The following IL23R variants were observed in gnomAD, a reference collection of about 807,000 sequenced individuals.
The protein encoded by IL23R is interleukin-23 receptor.
A neutral mutation model predicts 56.9 loss-of-function variants in IL23R; 34 were observed. The observed-to-expected ratio is 0.60, with a 90% CI of 0.45 to 0.80. IL23R has a LOEUF of 0.80. Among genes scored for constraint, IL23R ranks in the 30% least tolerant of loss-of-function variants. IL23R has a pLI of 0.00. For synonymous variants in IL23R, 230 were observed against 249.2 expected, an observed-to-expected ratio of 0.92 and a Z score of 0.73; for missense variants, 635 against 730.0, an observed-to-expected ratio of 0.87 and a Z score of 1.50.
chr1:67,206,366 A>G (rs560203346), intron 5 of IL23R, among the ~76,000 whole-genome samples: 119 of 152,058 alleles, frequency 7.8e-4, no homozygotes, highest in Admixed American at 1.4e-3. Flanking sequence ...GGTGGAGTAC[A>G]GTTGCACCAT....
At chr1:67,263,112 C>CTTTTTTTTTTTT (rs66482004), downstream of IL23R, among the ~76,000 whole-genome samples, 1 of 98,890 alleles carries the variant, frequency 1.0e-5, no homozygotes. Flanking sequence ...AATTTCTTTC[C>CTTTTTTTTTTTT]TTTTTTTTTT....
rs773141807 is a variant in IL23R at position 67,182,863 on chromosome 1, C to A, written c.395C>A (p.Thr132Asn). 1.2e-6 allele frequency: 2 copies of A among 1,613,902 alleles called. No individual in the cohort carries two copies. The highest frequency in any genetic ancestry group is 1.3e-5 in the African/African-American group (1 of 74,900). ...CCGCCAGATATTCCTGATGAAGTAA[C>A]CTGTGTCATTTATGAATATTCAGGC... ...GYPPDIPDEV[T>N]CVIYEYSGNM... Residue 132 changes from threonine to asparagine, a missense_variant, in exon 4 of 11, where the codon ACC becomes AAC. Thr to Asn is a moderately conservative substitution (Grantham distance 65). Transcript: ENST00000347310.
intron 5 of IL23R, 70 bp downstream of exon 5, chr1:67,200,967 A>G: frequency 6.7e-7 from 1 of 1,483,204 alleles, no homozygotes; most frequent in Non-Finnish European, 9.4e-7. Context: ...AATGAGGTCT[A>G]GATCTGAAAG....
At chr1:67,176,080 A>G (rs1242607515) in intron 3 of IL23R, among the ~76,000 whole-genome samples, 1 of 152,196 alleles carries the variant, frequency 6.6e-6, no homozygotes, top group Non-Finnish European at 1.5e-5. Flanking sequence ...AAATGACCAG[A>G]GATGGGGTCT....
chr1:67,254,784 C>T (rs1231840708), intron 9 of IL23R, among the ~76,000 whole-genome samples: 1 of 152,222 alleles, frequency 6.6e-6, no homozygotes, highest in Non-Finnish European at 1.5e-5. Context: ...TTGGTACAAC[C>T]TTTCTGCCCA....
At chr1:67,222,102 C>CCTTTTTTTTTTTTTTTTTTTTTT in intron 7 of IL23R, among the ~76,000 whole-genome samples, 1 of 58,890 alleles carries the variant, frequency 1.7e-5, no homozygotes, top group South Asian at 9.2e-4. Context: ...TTCTTTCTTT[C>CCTTTTTTTTTTTTTTTTTTTTTT]TTTTTTTTTT....
chr1:67,218,937 AT>A (rs1650052684), intron 6 of IL23R, among the ~76,000 whole-genome samples: 1 of 151,180 alleles, frequency 6.6e-6, no homozygotes, highest in African/African-American at 2.4e-5. Flanking sequence ...TAGAAAAAAA[AT>A]AAAATAAAAA....
chr1:67,191,754 T>C (rs1352082102), intron 4 of IL23R, among the ~76,000 whole-genome samples: 1 of 152,202 alleles, frequency 6.6e-6, no homozygotes, highest in Non-Finnish European at 1.5e-5. Flanking sequence ...CATTGCCAGA[T>C]TGAATGGCTT....
intron 3 of IL23R, among the ~76,000 whole-genome samples, chr1:67,180,355 T>A (rs1359859432): frequency 2.0e-5 from 3 of 152,160 alleles, no homozygotes; most frequent in Admixed American, 6.5e-5. Flanking sequence ...GTTGAATTGA[T>A]CCCTTTACCA....
At chr1:67,185,457 T>C (rs968680875) in intron 4 of IL23R, among the ~76,000 whole-genome samples, 1 of 152,212 alleles carries the variant, frequency 6.6e-6, no homozygotes, top group Non-Finnish European at 1.5e-5. Flanking sequence ...TTTTTGTTTT[T>C]GTTTTTGAGC....
chr1:67,206,301 C>T (rs1649051632), intron 5 of IL23R, among the ~76,000 whole-genome samples: 1 of 152,076 alleles, frequency 6.6e-6, no homozygotes, highest in Non-Finnish European at 1.5e-5. Context: ...ACATGAGCCA[C>T]CATGCCCAGC....
At chr1:67,230,195 A>G (rs1478841860) in intron 7 of IL23R, among the ~76,000 whole-genome samples, 1 of 152,220 alleles carries the variant, frequency 6.6e-6, no homozygotes, top group Non-Finnish European at 1.5e-5. Flanking sequence ...CAACCCTTCA[A>G]CATTCACAGC....
At chr1:67,252,658 C>T (rs1353003552) in intron 9 of IL23R, among the ~76,000 whole-genome samples, 1 of 152,076 alleles carries the variant, frequency 6.6e-6, no homozygotes, top group East Asian at 1.9e-4. Context: ...TCATATCCCG[C>T]TTCTGACACC....
chr1:67,174,663 T>C (rs1055590736), intron 3 of IL23R, among the ~76,000 whole-genome samples: 27 of 152,074 alleles, frequency 1.8e-4, no homozygotes, highest in African/African-American at 6.0e-4. Context: ...CACTCAATAT[T>C]TCTATACTTA....
chr1:67,254,306 T>A (rs1291509328), intron 9 of IL23R, among the ~76,000 whole-genome samples: 1 of 152,050 alleles, frequency 6.6e-6, no homozygotes, highest in East Asian at 1.9e-4. Flanking sequence ...TGGCCTCAAG[T>A]GATCTGCCTG....
At chr1:67,202,187 C>G (rs1237280373) in intron 5 of IL23R, among the ~76,000 whole-genome samples, 1 of 152,100 alleles carries the variant, frequency 6.6e-6, no homozygotes, top group East Asian at 1.9e-4. Flanking sequence ...TTATTGAGCA[C>G]TTTCTTATGT....
chr1:67,166,250 A>G (rs1255964369), upstream of IL23R: 1 of 152,374 alleles, frequency 6.6e-6, no homozygotes, highest in Non-Finnish European at 1.5e-5. Context: ...GGATGAGACC[A>G]TTTTAAATTA....
chr1:67,182,810 C>G (rs758741533), intron 3 of IL23R, 26 bp from the exon 4 acceptor site: 2 of 1,613,308 alleles, frequency 1.2e-6, no homozygotes, highest in Middle Eastern at 3.3e-4. Flanking sequence ...CTTACAGCAC[C>G]TCCTAAGTGT....
intron 1 of IL23R, among the ~76,000 whole-genome samples, chr1:67,166,748 C>T (rs752739778): frequency 6.6e-6 from 1 of 152,118 alleles, no homozygotes; most frequent in Non-Finnish European, 1.5e-5. Flanking sequence ...TAACTAGGAA[C>T]ATTTTTAGGG....
Sources: gnomAD v4.1 joint callset for allele counts (sites outside exome capture counted in the v4.1 genomes callset) on GRCh38, gnomAD v4.1.1 for gene constraint, MANE v1.5 for transcripts, NCBI Gene and HGNC (gene_info 2026-07-23, HGNC 2026-07-21) for gene names.